Variants in TMEM132C observed in about 807,000 individuals in gnomAD.
The protein encoded by TMEM132C is protein phosphatase 1, regulatory subunit 152.
A neutral mutation model predicts 61.4 loss-of-function variants in TMEM132C; 29 were observed. The ratio of observed to expected loss-of-function variants is 0.47; its 90% CI spans 0.35 to 0.64. The LOEUF (loss-of-function observed/expected upper bound fraction) is 0.64. TMEM132C is among the 30% of genes least tolerant of loss of function. The pLI is 0.00. For missense variants in TMEM132C, 1,408 were observed against 1,476.9 expected (o/e 0.95, Z 0.76); for synonymous variants, 656 against 633.1 (o/e 1.04, Z -0.54).
chr12:128,277,058 A>C (rs1870718036), intron 1 of TMEM132C, among the ~76,000 whole-genome samples: 1 of 152,188 alleles, frequency 6.6e-6, no homozygotes, highest in Non-Finnish European at 1.5e-5. Flanking sequence ...TCTCCACTGG[A>C]AACAATGAGG....
chr12:128,476,895 G>T (rs1463958107), intron 2 of TMEM132C, among the ~76,000 whole-genome samples: 1 of 152,190 alleles, frequency 6.6e-6, no homozygotes, highest in African/African-American at 2.4e-5. Flanking sequence ...CGTTCTGTAG[G>T]AAAGTCTCAA....
intron 2 of TMEM132C, among the ~76,000 whole-genome samples, chr12:128,448,040 G>C (rs975734409): frequency 1.3e-5 from 2 of 152,064 alleles, no homozygotes; most frequent in Non-Finnish European, 2.9e-5. Flanking sequence ...TTCCTAAAAC[G>C]ATCCCACCGC....
chr12:128,702,661 C>T (rs1311805475), intron 8 of TMEM132C, among the ~76,000 whole-genome samples: 2 of 152,218 alleles, frequency 1.3e-5, no homozygotes, highest in African/African-American at 4.8e-5. Flanking sequence ...GGTCCAACTT[C>T]AAGTGAGTTT....
At chr12:128,396,477 C>T (rs1565923595) in intron 1 of TMEM132C, among the ~76,000 whole-genome samples, 3 of 151,548 alleles carry the variant, frequency 2.0e-5, no homozygotes, top group Non-Finnish European at 4.4e-5. Flanking sequence ...ACCTAGATGA[C>T]GGGTTGATGG....
chr12:128,702,399 C>T (rs1361014180), intron 8 of TMEM132C, among the ~76,000 whole-genome samples: 1 of 151,328 alleles, frequency 6.6e-6, no homozygotes, highest in Non-Finnish European at 1.5e-5. Context: ...TCATAAATAA[C>T]ATTATTTATT....
intron 1 of TMEM132C, among the ~76,000 whole-genome samples, chr12:128,307,897 T>C: frequency 6.6e-6 from 1 of 152,204 alleles, no homozygotes; most frequent in East Asian, 1.9e-4. Flanking sequence ...CCTGCTTTAC[T>C]TTAGGGGAGC....
intron 1 of TMEM132C, among the ~76,000 whole-genome samples, chr12:128,412,083 C>G (rs1439671123): frequency 2.0e-5 from 3 of 152,184 alleles, no homozygotes; most frequent in Non-Finnish European, 4.4e-5. Context: ...GGATTTATAG[C>G]CAAAATATGT....
chr12:128,325,030 A>G (rs1023460794), intron 1 of TMEM132C, among the ~76,000 whole-genome samples: 1 of 152,106 alleles, frequency 6.6e-6, no homozygotes, highest in Non-Finnish European at 1.5e-5. Context: ...TAAATTCCTA[A>G]AAGTAGAGGA....
chr12:128,381,885 G>A (rs896392128), intron 1 of TMEM132C, among the ~76,000 whole-genome samples: 1 of 152,120 alleles, frequency 6.6e-6, no homozygotes, highest in African/African-American at 2.4e-5. Flanking sequence ...CCTCTTAAGA[G>A]GAAAAGGGGA....
intron 1 of TMEM132C, among the ~76,000 whole-genome samples, chr12:128,286,392 C>T (rs1041869088): frequency 1.1e-4 from 17 of 152,146 alleles, no homozygotes; most frequent in Admixed American, 2.0e-4. Flanking sequence ...CTATGATGAA[C>T]GGGAATATGA....
intron 2 of TMEM132C, among the ~76,000 whole-genome samples, chr12:128,479,328 A>G (rs148403403): frequency 0.01 from 1,563 of 152,278 alleles, 29 homozygotes; most frequent in African/African-American, 0.036. Context: ...TTACCTATGT[A>G]ACAAACCTGC....
At chr12:128,483,112 T>C (rs1871366145) in intron 2 of TMEM132C, among the ~76,000 whole-genome samples, 2 of 149,126 alleles carry the variant, frequency 1.3e-5, no homozygotes, top group African/African-American at 5.0e-5. Context: ...AAGATGAAAT[T>C]AAAAAATTAG....
chr12:128,701,077 A>C (rs1302492250), intron 8 of TMEM132C, among the ~76,000 whole-genome samples: 1 of 152,148 alleles, frequency 6.6e-6, no homozygotes, highest in East Asian at 1.9e-4. Context: ...GAAAGGCCAG[A>C]AGAGTTACTG....
chr12:128,462,781 G>C (rs1168001728), intron 2 of TMEM132C, among the ~76,000 whole-genome samples: 1 of 152,236 alleles, frequency 6.6e-6, no homozygotes, highest in Non-Finnish European at 1.5e-5. Flanking sequence ...ATGAAGGTCT[G>C]TAATACCTAT....
chr12:128,529,922 T>G (rs990490328), intron 2 of TMEM132C, among the ~76,000 whole-genome samples: 3 of 152,074 alleles, frequency 2.0e-5, no homozygotes, highest in Non-Finnish European at 4.4e-5. Context: ...TATTAGAAAA[T>G]TACAAATTTT....
At chr12:128,528,938 C>G (rs1302232957) in intron 2 of TMEM132C, among the ~76,000 whole-genome samples, 1 of 152,140 alleles carries the variant, frequency 6.6e-6, no homozygotes, top group Non-Finnish European at 1.5e-5. Flanking sequence ...CTGCGGGACT[C>G]AGCGGGGATT....
intron 2 of TMEM132C, among the ~76,000 whole-genome samples, chr12:128,513,817 G>A (rs571581578): frequency 1.3e-5 from 2 of 152,266 alleles, no homozygotes; most frequent in South Asian, 2.1e-4. Flanking sequence ...TCACATGCAC[G>A]ATCAGCAGGG....
chr12:128,359,095 G>A (rs1873611631), intron 1 of TMEM132C, among the ~76,000 whole-genome samples: 1 of 152,160 alleles, frequency 6.6e-6, no homozygotes. Context: ...CTAGCTCAAG[G>A]TCACAAAAGC....
At chr12:128,277,599 A>C (rs1416841855) in intron 1 of TMEM132C, among the ~76,000 whole-genome samples, 1 of 152,192 alleles carries the variant, frequency 6.6e-6, no homozygotes, top group Non-Finnish European at 1.5e-5. Flanking sequence ...CACCCACACC[A>C]CTAAGATAGA....
Sources: gnomAD v4.1 joint callset for allele counts (sites outside exome capture counted in the v4.1 genomes callset) on GRCh38, gnomAD v4.1.1 for gene constraint, MANE v1.5 for transcripts, NCBI Gene and HGNC (gene_info 2026-07-23, HGNC 2026-07-21) for gene names.